The following RAB7A variants were observed in gnomAD, a reference collection of about 807,000 sequenced individuals.
RAB7A encodes the protein RAB7A, member RAS oncogene family.
In RAB7A, 2 loss-of-function variants were observed where a neutral mutation model predicts 24.5. The observed-to-expected ratio is 0.08, with a 90% CI of 0.03 to 0.26. RAB7A has a LOEUF of 0.26. Ranked by LOEUF, RAB7A falls within the 10% of genes least tolerant of loss-of-function variation. RAB7A has a pLI of 1.00. For synonymous variants in RAB7A, 100 were observed against 95.9 expected (o/e 1.04, Z -0.25); for missense variants, 118 against 255.7 (o/e 0.46, Z 3.67).
chr3:128,764,187 C>T (rs745557529), intron 1 of RAB7A, among the ~76,000 whole-genome samples: 8 of 152,114 alleles, frequency 5.3e-5, no homozygotes, highest in Non-Finnish European at 1.0e-4. Context: ...TGTCCTTCCC[C>T]GGCTCCTCCC....
chr3:128,749,986 G>A (rs1458848724), intron 1 of RAB7A, among the ~76,000 whole-genome samples: 1 of 152,228 alleles, frequency 6.6e-6, no homozygotes, highest in African/African-American at 2.4e-5. Context: ...GATTTGAAGG[G>A]TTTGGAGGGT....
chr3:128,790,716 T>G (rs751182817), intron 1 of RAB7A, among the ~76,000 whole-genome samples: 66 of 152,340 alleles, frequency 4.3e-4, no homozygotes, highest in Non-Finnish European at 8.5e-4. Context: ...ATTGATCGGT[T>G]TAGTCCTATT....
intron 5 of RAB7A, among the ~76,000 whole-genome samples, chr3:128,810,596 G>A (rs1034530099): frequency 3.3e-5 from 5 of 151,970 alleles, no homozygotes; most frequent in African/African-American, 9.7e-5. Context: ...ACAGAGAGAG[G>A]ACACATGAGC....
In RAB7A at chr3:128,814,242, G is replaced by A. The variant is rs369256306; in HGVS notation, c.*820G>A. ...TACAGTAGACACAAGAATTATGTAC[G>A]CCTTTTATCAAAGACTTAAGAGCCA... On this transcript the variant is annotated 3_prime_UTR_variant, in exon 6 of 6. Coordinates refer to ENST00000265062, the MANE Select transcript of RAB7A (RefSeq NM_004637.6). 24 of 153,084 alleles carry A rather than the reference G, an allele frequency of 1.6e-4. No individual in the cohort carries two copies. In the East Asian group the frequency reaches 3.5e-3, roughly 22 times the overall value. 9.5% of individuals were successfully genotyped at this position (153,084 alleles called of 1,614,324 possible).
chr3:128,773,423 G>T (rs1933003500), intron 1 of RAB7A, among the ~76,000 whole-genome samples: 1 of 150,808 alleles, frequency 6.6e-6, no homozygotes, highest in Non-Finnish European at 1.5e-5. Flanking sequence ...CGGGAGGGAG[G>T]TGGGGGGCAG....
intron 1 of RAB7A, among the ~76,000 whole-genome samples, chr3:128,783,235 C>T (rs1933260586): frequency 6.9e-6 from 1 of 144,712 alleles, no homozygotes; most frequent in Non-Finnish European, 1.5e-5. Context: ...ACACACACCT[C>T]CCACCTGCTC....
chr3:128,744,774 G>A (rs557441091), intron 1 of RAB7A, among the ~76,000 whole-genome samples: 1 of 152,250 alleles, frequency 6.6e-6, no homozygotes, highest in East Asian at 1.9e-4. Context: ...TACAATGTGT[G>A]TGTTTCTGCC....
intron 1 of RAB7A, among the ~76,000 whole-genome samples, chr3:128,753,647 T>G (rs2070706880): frequency 6.6e-6 from 1 of 152,182 alleles, no homozygotes; most frequent in African/African-American, 2.4e-5. Context: ...CAGTGTTTGA[T>G]AAGTTGCCCT....
intron 5 of RAB7A, among the ~76,000 whole-genome samples, chr3:128,810,418 G>A (rs888351011): frequency 3.3e-5 from 5 of 152,080 alleles, no homozygotes; most frequent in Admixed American, 2.6e-4. Context: ...CTCAGGCTGC[G>A]TTAACAAAAC....
At chr3:128,778,938 C>A (rs1334611560) in intron 1 of RAB7A, among the ~76,000 whole-genome samples, 2 of 152,096 alleles carry the variant, frequency 1.3e-5, no homozygotes, top group East Asian at 1.9e-4. Flanking sequence ...GGGAGAAGAA[C>A]TACACAGAGA....
At chr3:128,813,264 G>A (rs1283074854) in intron 5 of RAB7A, 63 bp from the exon 6 acceptor site, 57 of 1,479,322 alleles carry the variant, frequency 3.9e-5, no homozygotes, top group East Asian at 2.0e-4. Context: ...GAAAGTGCCC[G>A]CAATGAGGGC....
chr3:128,763,134 C>T (rs2070788352), intron 1 of RAB7A, among the ~76,000 whole-genome samples: 1 of 149,318 alleles, frequency 6.7e-6, no homozygotes, highest in Non-Finnish European at 1.5e-5. Context: ...TTTCTCTATC[C>T]CCACTCTTTC....
intron 1 of RAB7A, among the ~76,000 whole-genome samples, chr3:128,781,545 G>A (rs191225632): frequency 3.3e-5 from 5 of 152,168 alleles, no homozygotes; most frequent in Non-Finnish European, 5.9e-5. Flanking sequence ...GCATGGTGGC[G>A]TGTGCCTGTA....
chr3:128,808,714 G>A (rs1166721465), intron 5 of RAB7A, among the ~76,000 whole-genome samples: 1 of 152,216 alleles, frequency 6.6e-6, no homozygotes, highest in Admixed American at 6.5e-5. Context: ...GACAGTGTCT[G>A]GGGGTGGTCA....
chr3:128,809,405 G>T (rs1053439614), intron 5 of RAB7A, among the ~76,000 whole-genome samples: 1 of 152,148 alleles, frequency 6.6e-6, no homozygotes, highest in African/African-American at 2.4e-5. Context: ...CGTGACTACT[G>T]GTCCCTCTGA....
chr3:128,766,674 C>T (rs2070834606), intron 1 of RAB7A, among the ~76,000 whole-genome samples: 1 of 152,032 alleles, frequency 6.6e-6, no homozygotes, highest in Non-Finnish European at 1.5e-5. Context: ...GAGCAGATCC[C>T]ATAGGAATGG....
At chr3:128,795,200 G>A in intron 1 of RAB7A, 160 bp from the exon 2 acceptor site, 1 of 698,722 alleles carries the variant, frequency 1.4e-6, no homozygotes, top group Non-Finnish European at 2.6e-6. Context: ...TTTGGTGAGT[G>A]ATACTGTTTT....
At chr3:128,765,015 C>T (rs1398404746) in intron 1 of RAB7A, 21 of 1,563,488 alleles carry the variant, frequency 1.3e-5, no homozygotes, top group Non-Finnish European at 1.8e-5. Context: ...ACGCAGTTGT[C>T]ATGGCAGCAA....
At chr3:128,781,730 G>A (rs1282583884) in intron 1 of RAB7A, among the ~76,000 whole-genome samples, 1 of 151,982 alleles carries the variant, frequency 6.6e-6, no homozygotes, top group African/African-American at 2.4e-5. Flanking sequence ...GAAACCCATG[G>A]TTGTGGCCGG....
Sources: allele counts gnomAD v4.1 joint callset (sites outside exome capture counted in the v4.1 genomes callset), GRCh38; gene constraint gnomAD v4.1.1; transcripts MANE v1.5; gene names NCBI Gene and HGNC (gene_info 2026-07-23, HGNC 2026-07-21).